The following LRRK2 variants were observed in gnomAD, a reference collection of about 807,000 sequenced individuals.
LRRK2 encodes leucine rich repeat kinase 2.
In LRRK2, 203 loss-of-function variants were observed where a neutral mutation model predicts 302.6. That is an observed-to-expected ratio of 0.67 (90% confidence interval 0.60 to 0.75). The LOEUF (loss-of-function observed/expected upper bound fraction) is 0.75. Ranked by LOEUF, LRRK2 falls within the 30% of genes least tolerant of loss-of-function variation. LRRK2 has a pLI of 0.00. For missense variants in LRRK2, 2,830 were observed against 2,951.0 expected (o/e 0.96, Z 0.95); for synonymous variants, 1,066 against 1,031.9 (o/e 1.03, Z -0.63).
intron 42 of LRRK2, among the ~76,000 whole-genome samples, chr12:40,348,103 TTA>T (rs1431302810): frequency 6.6e-6 from 1 of 152,216 alleles, no homozygotes; most frequent in Non-Finnish European, 1.5e-5. Flanking sequence ...AGAAGCTTTA[TTA>T]TATGAGTAAA....
rs200070767 is a variant in LRRK2 at position 40,243,531 on chromosome 12, A to G, written c.707-19A>G. The G allele has an allele frequency of 2.5e-6, 4 of 1,609,584 alleles. No homozygotes were observed. Among genetic ancestry groups the G allele is most frequent in the South Asian group, 2.2e-5 (2 of 90,976 alleles). On this transcript the variant is annotated intron_variant, in intron 6 of 50. Coordinates refer to ENST00000298910, the MANE Select transcript of LRRK2 (RefSeq NM_198578.4). ...GAACATGGTTACCTTATTGATAATT[A>G]TGATCTCTTTAAATTCAGGCAATAA... is the stretch of plus-strand genomic sequence containing the variant.
chr12:40,295,800 T>G (rs896926663), intron 23 of LRRK2, among the ~76,000 whole-genome samples, 156 bp downstream of exon 23: 5 of 152,174 alleles, frequency 3.3e-5, no homozygotes, highest in African/African-American at 1.2e-4. Flanking sequence ...CATATCTTAG[T>G]CTGTGTGATG....
rs1944219788 is a variant in LRRK2, at chr12:40,293,015, C to CAAAGCAAG, written c.2690-529_2690-528insAAGCAAGA. Among the ~76,000 whole-genome samples, 6 of 152,032 alleles carry CAAAGCAAG rather than the reference C, an allele frequency of 3.9e-5. No individual in the cohort carries two copies. The South Asian group carries it at 1.0e-3, about 26-fold the overall frequency. On this transcript the variant is annotated intron_variant, in intron 20 of 50. Transcript: ENST00000298910. ...TGTTAAATAATTTGTGTGATTACAA[C>CAAAGCAAG]ATTTAAAGCAAGATTTGAAAAATTT...
intron 40 of LRRK2, among the ~76,000 whole-genome samples, chr12:40,338,484 T>C (rs1945942048): frequency 1.3e-5 from 2 of 152,218 alleles, no homozygotes; most frequent in Non-Finnish European, 2.9e-5. Flanking sequence ...AACCAGTTTG[T>C]TTTAATAAAA....
At chr12:40,353,033 C>CA (rs1946407302) in intron 44 of LRRK2, among the ~76,000 whole-genome samples, 1 of 151,718 alleles carries the variant, frequency 6.6e-6, no homozygotes, top group African/African-American at 2.4e-5. Flanking sequence ...CCAGAAGGGG[C>CA]GGCCGGGCAG....
intron 46 of LRRK2, among the ~76,000 whole-genome samples, chr12:40,358,111 G>T (rs770607354): frequency 4.0e-5 from 6 of 149,688 alleles, no homozygotes; most frequent in Non-Finnish European, 7.4e-5. Context: ...TTTTCCTGTT[G>T]AATTGCTTTT....
chr12:40,339,441 G>T (rs1186570544), intron 40 of LRRK2, among the ~76,000 whole-genome samples: 1 of 152,106 alleles, frequency 6.6e-6, no homozygotes, highest in Non-Finnish European at 1.5e-5. Context: ...TTCCAGAATG[G>T]ATAAGACCTG....
intron 18 of LRRK2, among the ~76,000 whole-genome samples, chr12:40,283,004 A>G (rs1943770701): frequency 6.6e-6 from 1 of 152,030 alleles, no homozygotes; most frequent in South Asian, 2.1e-4. Flanking sequence ...ATACTCATCT[A>G]TAAAATGGGA....
At chr12:40,272,144 ATTGAAG>A (rs1374861759) in intron 14 of LRRK2, among the ~76,000 whole-genome samples, 83 of 152,336 alleles carry the variant, frequency 5.4e-4, no homozygotes, top group African/African-American at 1.9e-3. Flanking sequence ...ACAACAGAGC[ATTGAAG>A]CAAGTGCTCT....
At chr12:40,321,843 G>C (rs1431521848) in intron 35 of LRRK2, among the ~76,000 whole-genome samples, 192 bp from the exon 36 acceptor site, 1 of 151,866 alleles carries the variant, frequency 6.6e-6, no homozygotes. Flanking sequence ...AATGTGCAGG[G>C]GATTTAACTC....
rs1940803086 is a variant in LRRK2 at position 40,225,180 on chromosome 12, A to C, written c.49A>C (p.Lys17Gln). The change falls in exon 1 of 51, where the codon AAG (lysine) becomes CAG (glutamine). Residue 17 changes from lysine (K) to glutamine (Q), a missense_variant. By Grantham distance (53) the Lys-to-Gln change is moderately conservative. Around this residue, in one of 3 missense-constraint regions of LRRK2, gnomAD observed 2,121 missense variants for 2,148.0 expected, o/e 0.99. Transcript: ENST00000298910. ...GTGCGAAGAGGACGAGGAAACTCTG[A>C]AGAAGTTGATAGTCAGGCTGAACAA... The part of the protein sequence containing the change: ...QGCEEDEETL[K>Q]KLIVRLNNVQ... 6.2e-7 allele frequency: 1 copy of C among 1,614,188 alleles called. No homozygotes were observed.
intron 14 of LRRK2, among the ~76,000 whole-genome samples, chr12:40,265,622 G>A (rs968156424): frequency 1.3e-5 from 2 of 152,066 alleles, no homozygotes; most frequent in Admixed American, 6.6e-5. Context: ...TTCATATATC[G>A]CATGTCTCAT....
chr12:40,295,000 T>C (rs1944325046), intron 22 of LRRK2, 86 bp downstream of exon 22: 1 of 812,864 alleles, frequency 1.2e-6, no homozygotes, highest in African/African-American at 1.7e-5. Flanking sequence ...TATTCAAATA[T>C]TCTTGGTGCC....
Position 40,302,756 on chromosome 12 carries a change from A to T in LRRK2, c.3497-33A>T, listed in dbSNP as rs199493664. The stretch of plus-strand genomic sequence containing the variant: ...ATTTAATGGAAATCTGGTTAAAATG[A>T]TTAAAATGTTTATCTCATTTTTTTT... On this transcript the variant is annotated intron_variant, in intron 25 of 50. Coordinates refer to ENST00000298910, the MANE Select transcript of LRRK2 (RefSeq NM_198578.4). The T allele has an allele frequency of 1.1e-5, 15 of 1,386,832 alleles. 1 individual carries two copies. Among genetic ancestry groups the T allele is most frequent in the African/African-American group, 1.4e-5 (1 of 70,314 alleles). 85.9% of individuals were successfully genotyped at this position (1,386,832 alleles called of 1,614,324 possible).
In LRRK2 at chr12:40,294,827, T is replaced by C. The variant is rs1453324975; in HGVS notation, c.2809-18T>C. ...CCAATAAATGACAGCAATTTTATTA[T>C]AAATTATTTTTTAATAGGGGCCCAT... On this transcript the variant is annotated intron_variant, in intron 21 of 50. Transcript: ENST00000298910. 2.4e-5 allele frequency: 33 copies of C among 1,386,264 alleles called. No individual in the cohort carries two copies. The highest frequency in any genetic ancestry group is 2.8e-5 in the Non-Finnish European group (28 of 982,826). The allele number at this position is 1,386,264 out of a possible 1,614,324, so 85.9% of individuals were successfully genotyped here.
intron 39 of LRRK2, among the ~76,000 whole-genome samples, chr12:40,334,747 C>T (rs1196402669): frequency 6.6e-6 from 1 of 152,004 alleles, no homozygotes; most frequent in East Asian, 1.9e-4. Context: ...TGGACTCATG[C>T]ACTTCAATCC....
chr12:40,225,533 T>TC, intron 1 of LRRK2, 22 bp from the exon 2 acceptor site: 1 of 1,603,552 alleles, frequency 6.2e-7, no homozygotes, highest in Non-Finnish European at 8.5e-7. Context: ...TTGCTTCTTT[T>TC]CCCCACCCAC....
intron 20 of LRRK2, among the ~76,000 whole-genome samples, 180 bp downstream of exon 20, chr12:40,287,719 C>A (rs1223168835): frequency 6.6e-6 from 1 of 151,798 alleles, no homozygotes; most frequent in Admixed American, 6.6e-5. Context: ...GGAAGTGTGT[C>A]TCTGTGCTTC....
At chr12:40,321,921 C>A in intron 35 of LRRK2, 114 bp from the exon 36 acceptor site, 2 of 1,029,688 alleles carry the variant, frequency 1.9e-6, no homozygotes, top group Non-Finnish European at 2.9e-6. Context: ...AGTAACAACC[C>A]AATACTTTAT....
Sources: allele counts gnomAD v4.1 joint callset (sites outside exome capture counted in the v4.1 genomes callset), GRCh38; gene constraint gnomAD v4.1.1; regional missense constraint gnomAD v4.1.1; transcripts MANE v1.5; gene names NCBI Gene and HGNC (gene_info 2026-07-23, HGNC 2026-07-21).